CEP83: variants seen among roughly 807,000 people sequenced by gnomAD.
The protein encoded by CEP83 is centrosomal protein of 83 kDa.
In CEP83, 70 loss-of-function variants were observed where a neutral mutation model predicts 101.9. That is an observed-to-expected ratio of 0.69 (90% CI 0.57 to 0.84). The LOEUF (loss-of-function observed/expected upper bound fraction) is 0.84, where lower values mean the gene tolerates loss of function less well. Among genes scored for constraint, CEP83 ranks in the 40% least tolerant of loss-of-function variants. CEP83 has a pLI of 0.00. For missense variants in CEP83, 715 were observed against 787.2 expected (o/e 0.91, Z 1.10); for synonymous variants, 264 against 267.9 (o/e 0.99, Z 0.14).
At chr12:94,352,624 G>A (rs1486924261) in intron 11 of CEP83, among the ~76,000 whole-genome samples, 2 of 151,962 alleles carry the variant, frequency 1.3e-5, no homozygotes, top group African/African-American at 4.8e-5. Flanking sequence ...TGATATGAAT[G>A]AGAAATCTGA....
the CEP83 span, among the ~76,000 whole-genome samples, chr12:94,267,404 CACTCG>C: frequency 6.6e-6 from 1 of 151,958 alleles, no homozygotes; most frequent in South Asian, 2.1e-4. Context: ...GATTTGTTAA[CACTCG>C]ACTCATCATC....
chr12:94,345,628 G>C (rs2059900391), intron 11 of CEP83, among the ~76,000 whole-genome samples: 1 of 151,956 alleles, frequency 6.6e-6, no homozygotes, highest in Admixed American at 6.6e-5. Context: ...TCTTGGAACT[G>C]GTCATAAAAA....
At chr12:94,432,620 G>A (rs1435908361) in intron 2 of CEP83, among the ~76,000 whole-genome samples, 1 of 152,102 alleles carries the variant, frequency 6.6e-6, no homozygotes, top group Admixed American at 6.5e-5. Flanking sequence ...GATAAAGGGA[G>A]GTTGCTTAAT....
intron 2 of CEP83, 131 bp downstream of exon 2, chr12:94,435,144 G>T (rs2065900198): frequency 6.6e-6 from 1 of 152,112 alleles, no homozygotes; most frequent in Non-Finnish European, 1.5e-5. Context: ...ACCTCTCTCT[G>T]CTTATGAATC....
chr12:94,333,583 C>T lies in CEP83; in HGVS notation c.1476G>A (p.Leu492=). ...CCTTCAGCATTTGGTTTGAATTCAG[C>T]AAGTCATTCTCTGACTGTGCAAGTG... is the stretch of plus-strand genomic sequence containing the variant. ...VTSLAQSEND[L]LNSNQMLKEM... is the part of the protein sequence containing the mutation. The change falls in exon 13 of 17, where the codon TTG becomes TTA. Residue 492 remains leucine, a synonymous_variant. Transcript: ENST00000397809. 6.2e-7 allele frequency: 1 copy of T among 1,613,760 alleles called. No homozygotes were observed. Among genetic ancestry groups the T allele is most frequent in the Middle Eastern group, 1.6e-4 (1 of 6,062 alleles).
At chr12:94,397,934 G>C (rs1459183391) in intron 6 of CEP83, among the ~76,000 whole-genome samples, 3 of 152,142 alleles carry the variant, frequency 2.0e-5, no homozygotes, top group African/African-American at 7.2e-5. Context: ...CCCATAATCA[G>C]AGTGGCAACT....
intron 2 of CEP83, among the ~76,000 whole-genome samples, chr12:94,427,474 C>G (rs993872842): frequency 6.6e-6 from 1 of 152,226 alleles, no homozygotes; most frequent in African/African-American, 2.4e-5. Context: ...ATCCACGTGT[C>G]CTTCCTACCA....
chr12:94,412,234 C>T, intron 3 of CEP83, 84 bp downstream of exon 3: 1 of 1,113,172 alleles, frequency 9.0e-7, no homozygotes, highest in Non-Finnish European at 1.3e-6. Context: ...CAAAATTATA[C>T]TATATTCTAT....
At chr12:94,409,301 G>T (rs2063736723) in intron 4 of CEP83, among the ~76,000 whole-genome samples, 1 of 151,706 alleles carries the variant, frequency 6.6e-6, no homozygotes, top group Non-Finnish European at 1.5e-5. Context: ...TTAAAAAACA[G>T]AAGCCTTACT....
At chr12:94,423,775 T>C (rs907744554) in intron 2 of CEP83, 88 of 1,613,600 alleles carry the variant, frequency 5.5e-5, no homozygotes, top group Middle Eastern at 3.4e-4. Context: ...ATAGACCCCA[T>C]GCTCTGAGGG....
chr12:94,347,068 T>TATATATATACAC (rs561705061), intron 11 of CEP83, among the ~76,000 whole-genome samples: 1 of 147,416 alleles, frequency 6.8e-6, no homozygotes, highest in Non-Finnish European at 1.5e-5. Context: ...TATATATATA[T>TATATATATACAC]ACACATACAC....
the CEP83 span, chr12:94,280,182 A>G: frequency 4.6e-6 from 1 of 215,908 alleles, no homozygotes; most frequent in Non-Finnish European, 9.4e-6. Context: ...CTATGAATTC[A>G]TTTTCGGGCT....
At chr12:94,294,505 T>A in the CEP83 span, 2 of 1,321,912 alleles carry the variant, frequency 1.5e-6, no homozygotes, top group Non-Finnish European at 2.2e-6. Flanking sequence ...GGATCCACTA[T>A]AAAAGTCTTT....
chr12:94,432,488 G>A (rs2065713020), intron 2 of CEP83, among the ~76,000 whole-genome samples: 1 of 152,098 alleles, frequency 6.6e-6, no homozygotes. Context: ...AGTGAAATAA[G>A]CCAGGCACAA....
chr12:94,349,314 T>C (rs920558887), intron 11 of CEP83, among the ~76,000 whole-genome samples: 8 of 151,632 alleles, frequency 5.3e-5, no homozygotes, highest in African/African-American at 1.9e-4. Flanking sequence ...AAAAAAAGTT[T>C]GTAGAATCCC....
At chr12:94,283,475 G>T in the CEP83 span, among the ~76,000 whole-genome samples, 2 of 152,294 alleles carry the variant, frequency 1.3e-5, no homozygotes, top group East Asian at 3.9e-4. Context: ...TGCCCAACAG[G>T]TTCACCTTCC....
intron 6 of CEP83, among the ~76,000 whole-genome samples, chr12:94,394,223 T>C (rs1240817961): frequency 1.3e-5 from 2 of 152,132 alleles, no homozygotes; most frequent in African/African-American, 2.4e-5. Flanking sequence ...CTTCTAACTA[T>C]ACTACAAGGC....
chr12:94,291,620 G>A, the CEP83 span, among the ~76,000 whole-genome samples: 1 of 152,108 alleles, frequency 6.6e-6, no homozygotes, highest in Non-Finnish European at 1.5e-5. Context: ...AGCAACCATT[G>A]CCACAATCTA....
downstream of CEP83, chr12:94,304,262 C>A: frequency 2.3e-6 from 1 of 431,684 alleles, no homozygotes; most frequent in Non-Finnish European, 4.1e-6. Context: ...ACATTTGGAC[C>A]AGCCTGAATT....
Sources: allele counts gnomAD v4.1 joint callset (sites outside exome capture counted in the v4.1 genomes callset), GRCh38; gene constraint gnomAD v4.1.1; transcripts MANE v1.5; gene names NCBI Gene and HGNC (gene_info 2026-07-23, HGNC 2026-07-21).